NOVA1: variants seen among roughly 807,000 people sequenced by gnomAD.
The protein encoded by NOVA1 is RNA-binding protein Nova-1.
In NOVA1, 7 loss-of-function variants were observed where a neutral mutation model predicts 38.0. That is an observed-to-expected ratio of 0.18 (90% CI 0.10 to 0.35). The LOEUF (loss-of-function observed/expected upper bound fraction) is 0.35, where lower values mean the gene tolerates loss of function less well. Ranked by LOEUF, NOVA1 falls within the 10% of genes least tolerant of loss-of-function variation. NOVA1 has a pLI of 1.00. For synonymous variants in NOVA1, 270 were observed against 232.5 expected, an observed-to-expected ratio of 1.16 and a Z score of -1.47; for missense variants, 460 against 616.0, an observed-to-expected ratio of 0.75 and a Z score of 2.68.
At position 26,597,469 on chromosome 14, in the gene NOVA1, G is replaced by C; in HGVS notation, c.-33C>G. 1 of 1,272,304 alleles carries C rather than the reference G, an allele frequency of 7.9e-7. No homozygotes were observed. The highest frequency in any genetic ancestry group is 3.8e-5 in the South Asian group (1 of 26,350). The allele number at this position is 1,272,304 out of a possible 1,614,324, so 78.8% of individuals were successfully genotyped here. ...GTTCCTGCCGCTGCTACCGGGAGAA[G>C]GTTCTCCCTTTTGTTTTGGCTTTTT... On this transcript the variant is annotated 5_prime_UTR_variant, in exon 1 of 5. Coordinates refer to ENST00000539517, the MANE Select transcript of NOVA1 (RefSeq NM_002515.3).
chr14:26,597,172 C>G (rs951476223), intron 1 of NOVA1, 129 bp downstream of exon 1: 7 of 936,804 alleles, frequency 7.5e-6, no homozygotes, highest in Non-Finnish European at 8.2e-6. Flanking sequence ...CAGGGGCCGC[C>G]GGGTTCGGGC....
chr14:26,477,155 C>T (rs544634254), intron 3 of NOVA1, among the ~76,000 whole-genome samples: 1 of 152,256 alleles, frequency 6.6e-6, no homozygotes, highest in Non-Finnish European at 1.5e-5. Flanking sequence ...TTGCTACTTA[C>T]TAAGAAGGCA....
intron 2 of NOVA1, among the ~76,000 whole-genome samples, chr14:26,575,239 G>T (rs1209037972): frequency 6.6e-6 from 1 of 152,124 alleles, no homozygotes; most frequent in African/African-American, 2.4e-5. Context: ...AAGAATTGGG[G>T]AAAGTACTTT....
chr14:26,555,722 A>T lies in NOVA1; in HGVS notation c.280+39688T>A, dbSNP rs1157702319. On this transcript the variant is annotated intron_variant, in intron 2 of 4. Coordinates refer to ENST00000539517, the MANE Select transcript of NOVA1 (RefSeq NM_002515.3). ...ATATCAACCTACATAACTTGAAAAC[A>T]ATCAAGTTGTGATGAAATACCTCTA... Among the ~76,000 whole-genome samples the T allele has an allele frequency of 3.9e-5, 6 of 152,260 alleles. No homozygotes were observed. The East Asian group carries it at 1.2e-3, about 29-fold the overall frequency.
intron 2 of NOVA1, among the ~76,000 whole-genome samples, chr14:26,501,792 T>C (rs1027056345): frequency 3.4e-4 from 52 of 152,076 alleles, no homozygotes; most frequent in African/African-American, 1.2e-3. Context: ...ACTATGCTCT[T>C]CTAAGACTTT....
chr14:26,499,805 T>C (rs1430218242), intron 2 of NOVA1, among the ~76,000 whole-genome samples: 1 of 152,142 alleles, frequency 6.6e-6, no homozygotes, highest in African/African-American at 2.4e-5. Context: ...GTTTTGTACA[T>C]AGCAGAAAGC....
At chr14:26,460,674 A>C (rs1391253429) in intron 4 of NOVA1, among the ~76,000 whole-genome samples, 3 of 152,134 alleles carry the variant, frequency 2.0e-5, no homozygotes, top group Non-Finnish European at 4.4e-5. Flanking sequence ...CTAATAACCA[A>C]AAAGGGCAAT....
intron 2 of NOVA1, among the ~76,000 whole-genome samples, chr14:26,576,145 T>C (rs909887869): frequency 6.6e-6 from 1 of 151,914 alleles, no homozygotes; most frequent in African/African-American, 2.4e-5. Flanking sequence ...ATACTTATCA[T>C]CTACAATGTG....
At chr14:26,454,332 T>C (rs1168628776) in intron 4 of NOVA1, among the ~76,000 whole-genome samples, 3 of 152,174 alleles carry the variant, frequency 2.0e-5, no homozygotes, top group Non-Finnish European at 2.9e-5. Context: ...GGTTTGGGTT[T>C]GAGCACATGA....
chr14:26,566,002 T>A (rs1892116051), intron 2 of NOVA1, among the ~76,000 whole-genome samples: 1 of 152,128 alleles, frequency 6.6e-6, no homozygotes, highest in Non-Finnish European at 1.5e-5. Context: ...AGGAGTATGT[T>A]TCATGGCAAA....
intron 2 of NOVA1, among the ~76,000 whole-genome samples, chr14:26,589,384 T>C (rs531921520): frequency 7.9e-5 from 12 of 151,764 alleles, no homozygotes; most frequent in Middle Eastern, 3.4e-3. Flanking sequence ...CAGAAATAAA[T>C]GACACAGTAA....
At chr14:26,572,724 C>CTGTGTG (rs1253566376) in intron 2 of NOVA1, among the ~76,000 whole-genome samples, 1 of 49,160 alleles carries the variant, frequency 2.0e-5, no homozygotes, top group Non-Finnish European at 5.6e-5. Context: ...TAAGGAACCG[C>CTGTGTG]AGTGTGTGTG....
At chr14:26,495,256 T>A (rs1353356291) in intron 2 of NOVA1, among the ~76,000 whole-genome samples, 1 of 152,170 alleles carries the variant, frequency 6.6e-6, no homozygotes, top group African/African-American at 2.4e-5. Context: ...TTCAAATCAC[T>A]ATCACTTTAT....
chr14:26,476,576 T>C (rs1885000409), intron 3 of NOVA1, among the ~76,000 whole-genome samples: 1 of 152,172 alleles, frequency 6.6e-6, no homozygotes, highest in Non-Finnish European at 1.5e-5. Context: ...CTTCCTAAAA[T>C]AAGTGTTTTT....
At chr14:26,508,625 C>T (rs1349141254) in intron 2 of NOVA1, among the ~76,000 whole-genome samples, 1 of 151,628 alleles carries the variant, frequency 6.6e-6, no homozygotes, top group African/African-American at 2.4e-5. Flanking sequence ...ACAATGTAAA[C>T]ATTATACACA....
rs1255265097 is a variant in NOVA1, at chr14:26,503,662, A to G, written c.281-23519T>C. ...AAAATTCACAAGCAAACAATTAGAAAAGTATACAGTTGGAAATACTGAGTT... is the reference window on the plus strand; with the variant it reads ...AAAATTCACAAGCAAACAATTAGAAGAGTATACAGTTGGAAATACTGAGTT... On this transcript the variant is annotated intron_variant, in intron 2 of 4. Coordinates refer to ENST00000539517, the MANE Select transcript of NOVA1 (RefSeq NM_002515.3). Among the ~76,000 whole-genome samples, 3 of 152,120 alleles carry G rather than the reference A, an allele frequency of 2.0e-5. No individual in the cohort carries two copies. The East Asian group carries it at 5.8e-4, about 29-fold the overall frequency.
Position 26,531,606 on chromosome 14 carries a change from T to TCAAAACAAAA in NOVA1, c.281-51473_281-51464dup, listed in dbSNP as rs71121887. ...TAAGCAACAACAGCGAAACTCCGTC[T>TCAAAACAAAA]CAAAACAAAACAAAACAAAACAAAA... On this transcript the variant is annotated intron_variant, in intron 2 of 4. Coordinates refer to ENST00000539517, the MANE Select transcript of NOVA1 (RefSeq NM_002515.3). 4.9e-3 allele frequency among the ~76,000 whole-genome samples: 738 copies of TCAAAACAAAA among 150,966 alleles called. 3 individuals are homozygous for TCAAAACAAAA. The highest frequency in any genetic ancestry group is 6.1e-3 in the Non-Finnish European group (409 of 67,596).
chr14:26,526,744 T>C (rs1410450918), intron 2 of NOVA1, among the ~76,000 whole-genome samples: 2 of 152,150 alleles, frequency 1.3e-5, no homozygotes, highest in African/African-American at 4.8e-5. Context: ...TAAAAACAAT[T>C]TGTCGTTATT....
At chr14:26,496,147 C>T (rs1235787987) in intron 2 of NOVA1, among the ~76,000 whole-genome samples, 2 of 150,600 alleles carry the variant, frequency 1.3e-5, no homozygotes, top group African/African-American at 4.9e-5. Flanking sequence ...TCCACATCCT[C>T]TCCAGCACCT....
Sources: gnomAD v4.1 joint callset for allele counts (sites outside exome capture counted in the v4.1 genomes callset) on GRCh38, gnomAD v4.1.1 for gene constraint, MANE v1.5 for transcripts, NCBI Gene and HGNC (gene_info 2026-07-23, HGNC 2026-07-21) for gene names.